Variants in ZNF263 observed in about 807,000 individuals in gnomAD.
ZNF263 encodes the protein zinc finger protein FPM315.
ZNF263 carries 49 observed loss-of-function variants against 63.1 expected under a neutral mutation model. The ratio of observed to expected loss-of-function variants is 0.78; its 90% CI spans 0.62 to 0.99. The LOEUF (loss-of-function observed/expected upper bound fraction) is 0.99, where lower values mean the gene tolerates loss of function less well. ZNF263 is among the 50% of genes least tolerant of loss of function. The pLI is 0.00. For missense variants in ZNF263, 872 were observed against 854.8 expected (o/e 1.02, Z -0.25); for synonymous variants, 352 against 324.2 (o/e 1.09, Z -0.92).
At chr16:3,294,027 G>A (rs1596375182), downstream of ZNF263, among the ~76,000 whole-genome samples, 2 of 152,200 alleles carry the variant, frequency 1.3e-5, no homozygotes, top group African/African-American at 2.4e-5. Context: ...CCGGGTTCAC[G>A]CCATTCTCCT....
At chr16:3,297,456 CTTTTTTTTTTTTT>C (rs1168352573) in intron 1 of ZNF263, among the ~76,000 whole-genome samples, 5 of 76,476 alleles carry the variant, frequency 6.5e-5, no homozygotes, top group Non-Finnish European at 1.2e-4. Flanking sequence ...GAAACAGATT[CTTTTTTTTTTTTT>C]TTTTTTTTTT....
intron 1 of ZNF263, chr16:3,298,709 C>T (rs142614770): frequency 6.0e-4 from 164 of 271,884 alleles, no homozygotes; most frequent in Non-Finnish European, 7.9e-4. Flanking sequence ...TAATGCTTTT[C>T]GCAAAGGCAT....
intron 2 of ZNF263, chr16:3,300,727 G>A (rs1596378812): frequency 6.8e-7 from 1 of 1,459,878 alleles, no homozygotes; most frequent in Non-Finnish European, 9.0e-7. Context: ...AGCCCCAGAA[G>A]GCATGGGCAT....
In ZNF263 at chr16:3,290,710, G is replaced by A. The variant is rs1017846329; in HGVS notation, c.*152G>A. On this transcript the variant is annotated 3_prime_UTR_variant, in exon 6 of 6. Coordinates refer to ENST00000219069, the MANE Select transcript of ZNF263 (RefSeq NM_005741.5). ...GTGAGGGAGGTGCAGAGGCAGCAGAGGATTGGCATAAAACTGAAAAGGAGT... is the reference window on the plus strand; with the variant it reads ...GTGAGGGAGGTGCAGAGGCAGCAGAAGATTGGCATAAAACTGAAAAGGAGT... The A allele has an allele frequency of 7.0e-7, 1 of 1,429,620 alleles. No homozygotes were observed. The allele number at this position is 1,429,620 out of a possible 1,614,324, so 88.6% of individuals were successfully genotyped here.
chr16:3,285,835 G>A lies in ZNF263; in HGVS notation c.642+81G>A, dbSNP rs751701460. 111 of 1,560,178 alleles carry A rather than the reference G, an allele frequency of 7.1e-5. No individual in the cohort carries two copies. In the South Asian group the frequency reaches 1.1e-3, roughly 16 times the overall value. ...GGGGTGGGGGTTCTCCATGTGGAAGGTCCTTTGTCCCTTACCACAGCGTCT... is the reference window on the plus strand; with the variant it reads ...GGGGTGGGGGTTCTCCATGTGGAAGATCCTTTGTCCCTTACCACAGCGTCT... On this transcript the variant is annotated intron_variant, in intron 3 of 5. Coordinates refer to ENST00000219069, the MANE Select transcript of ZNF263 (RefSeq NM_005741.5).
rs1959510765 is a variant in ZNF263, at chr16:3,289,430, T to G, written c.924T>G (p.Ser308=). The G allele has an allele frequency of 3.3e-6, 5 of 1,520,394 alleles. No homozygotes were observed. The highest frequency in any genetic ancestry group is 1.8e-4 in the Middle Eastern group (1 of 5,610). 94.2% of individuals were successfully genotyped at this position (1,520,394 alleles called of 1,614,324 possible). A position where few individuals can be genotyped will look rare whatever the true frequency, so the allele number is the denominator to read the frequency against. Residue 308 remains serine, a synonymous_variant, in exon 6 of 6, where the codon TCT becomes TCG. Transcript: ENST00000219069. Reference sequence around the variant, plus strand: ...TTGAGAACCTGGAAGGTGTTCCGTCTGTATGCTCTGAGAACATCCACCCTC... The same window carrying G: ...TTGAGAACCTGGAAGGTGTTCCGTCGGTATGCTCTGAGAACATCCACCCTC... The part of the protein sequence containing the change: ...EKFENLEGVP[S]VCSENIHPQV...
chr16:3,287,460 C>T (rs931596415), intron 4 of ZNF263, among the ~76,000 whole-genome samples: 1 of 133,792 alleles, frequency 7.5e-6, no homozygotes, highest in African/African-American at 2.8e-5. Context: ...GCCCAGGCTG[C>T]TCTGGAACTT....
intron 3 of ZNF263, 45 bp from the exon 4 acceptor site, chr16:3,285,978 G>T (rs920104463): frequency 2.5e-6 from 4 of 1,613,694 alleles, no homozygotes; most frequent in Non-Finnish European, 3.4e-6. Flanking sequence ...TGCTTGAATT[G>T]TTCTTGGTGC....
chr16:3,298,943 C>T, intron 1 of ZNF263: 2 of 1,090,490 alleles, frequency 1.8e-6, no homozygotes, highest in African/African-American at 1.6e-5. Context: ...CATATAATGG[C>T]AGAAATCTTT....
rs1048350838 is a variant in ZNF263 at position 3,291,385 on chromosome 16, T to C, written c.*827T>C. 1 of 985,230 alleles carries C rather than the reference T, an allele frequency of 1.0e-6. No individual in the cohort carries two copies. The highest frequency in any genetic ancestry group is 1.7e-5 in the African/African-American group (1 of 57,222). 61.0% of individuals were successfully genotyped at this position (985,230 alleles called of 1,614,324 possible). On this transcript the variant is annotated 3_prime_UTR_variant, in exon 6 of 6. Transcript: ENST00000219069. ...CCTGGAAAATTGAAAATGTGAATCC[T>C]AGGGGGAAATTGGGGATTGTGTCTT...
At position 3,290,575 on chromosome 16, in the gene ZNF263, C is replaced by G. The variant is rs1486834750; in HGVS notation, c.*17C>G. ...ACAGGTTAGTAACAGTGGGGTTTCT[C>G]TTTGCCCCAGGTGAGGTGGCATATT... On this transcript the variant is annotated 3_prime_UTR_variant, in exon 6 of 6. Coordinates refer to ENST00000219069, the MANE Select transcript of ZNF263 (RefSeq NM_005741.5). The G allele has an allele frequency of 1.9e-6, 3 of 1,585,746 alleles. No individual in the cohort carries two copies. Among genetic ancestry groups the G allele is most frequent in the Admixed American group, 1.8e-5 (1 of 56,578 alleles).
intron 5 of ZNF263, among the ~76,000 whole-genome samples, chr16:3,288,933 G>A (rs749766273): frequency 3.3e-5 from 5 of 152,104 alleles, no homozygotes; most frequent in Non-Finnish European, 7.4e-5. Flanking sequence ...GTGAGCCACC[G>A]CCCCCAGCAG....
At chr16:3,299,163 C>G in intron 2 of ZNF263, 3 of 1,553,610 alleles carry the variant, frequency 1.9e-6, no homozygotes, top group Non-Finnish European at 2.6e-6. Context: ...GAAGGTAGTC[C>G]AAACTCTCTC....
chr16:3,285,345 A>G, intron 2 of ZNF263, 106 bp downstream of exon 2: 1 of 1,298,532 alleles, frequency 7.7e-7, no homozygotes, highest in Non-Finnish European at 1.0e-6. Context: ...ATTTCTGAAG[A>G]TCAGGTTCTC....
rs138244751 is a variant in ZNF263, at chr16:3,286,033, G to T, written c.653G>T (p.Ser218Ile). The T allele has an allele frequency of 3.3e-4, 540 of 1,613,718 alleles. No individual in the cohort carries two copies. Among genetic ancestry groups the T allele is most frequent in the Middle Eastern group, 3.0e-3 (18 of 6,060 alleles). The change falls in exon 4 of 6, where the codon AGC becomes ATC. Residue 218 changes from serine to isoleucine, a missense_variant. Transcript: ENST00000219069. ...KEMTGPQLPE[S>I]LEDVAMYISQ... is the part of the protein sequence containing the mutation. ...CTTGTGCTGTTTCAGTTGCCTGAGA[G>T]CTTAGAGGACGTGGCAATGTACATC... is the stretch of plus-strand genomic sequence containing the variant.
In ZNF263 at chr16:3,283,840, C is replaced by T; in HGVS notation, c.22C>T (p.Gln8Ter). 2 of 1,582,126 alleles carry T rather than the reference C, an allele frequency of 1.3e-6. No homozygotes were observed. The highest frequency in any genetic ancestry group is 1.1e-5 in the South Asian group (1 of 88,854). MASGPGS[Q>*]EREGLLIVKL... The stretch of plus-strand genomic sequence containing the variant: ...GACGATGGCGTCGGGCCCGGGCTCC[C>T]AGGAACGGGAAGGGCTCCTGATAGT... The change falls in exon 1 of 6, where the codon CAG becomes TAG. Residue 8 changes from glutamine to a stop codon, truncating the protein, a stop_gained. Transcript: ENST00000219069. LOFTEE classifies it high-confidence loss of function.
In ZNF263 at chr16:3,289,847, C is replaced by T. The variant is rs143673234; in HGVS notation, c.1341C>T (p.Thr447=). ...LECGKCFSQN[T]HLTRHQRTHT... ...GTGGGAAATGCTTCAGTCAGAACAC[C>T]CATCTGACTCGCCACCAACGCACCC... The change falls in exon 6 of 6, where the codon ACC becomes ACT. Residue 447 remains threonine, a synonymous_variant. Transcript: ENST00000219069. 339 of 1,614,196 alleles carry T rather than the reference C, an allele frequency of 2.1e-4. No homozygotes were observed. The African/African-American group carries it at 4.0e-3, about 19-fold the overall frequency.
downstream of ZNF263, among the ~76,000 whole-genome samples, chr16:3,295,380 C>T (rs1438522515): frequency 6.6e-6 from 1 of 152,234 alleles, no homozygotes; most frequent in Non-Finnish European, 1.5e-5. Context: ...CCGCCCAAGT[C>T]ACCGCCCCTC....
chr16:3,289,380 C>T lies in ZNF263; in HGVS notation c.887-13C>T, dbSNP rs80008683. ...GAAATAATGTACGGGTTTGGTTTCT[C>T]TCTCTCTACCAGGAGAAGAGAAATT... On this transcript the variant is annotated splice_polypyrimidine_tract_variant and intron_variant, in intron 5 of 5. Transcript: ENST00000219069. The T allele has an allele frequency of 1.3e-6, 2 of 1,506,810 alleles. No homozygotes were observed. Among genetic ancestry groups the T allele is most frequent in the Admixed American group, 4.6e-5 (2 of 43,288 alleles). The allele number at this position is 1,506,810 out of a possible 1,614,324, so 93.3% of individuals were successfully genotyped here. A position where few individuals can be genotyped will look rare whatever the true frequency, so the allele number is the denominator to read the frequency against.
Sources: allele counts gnomAD v4.1 joint callset (sites outside exome capture counted in the v4.1 genomes callset), GRCh38; gene constraint gnomAD v4.1.1; transcripts MANE v1.5; gene names NCBI Gene and HGNC (gene_info 2026-07-23, HGNC 2026-07-21).